Variants in NRG1 observed in about 807,000 individuals in gnomAD.
NRG1 encodes neuregulin 1.
A neutral mutation model predicts 63.8 loss-of-function variants in NRG1; 18 were observed. That is an observed-to-expected ratio of 0.28 (90% CI 0.19 to 0.42). NRG1 has a LOEUF of 0.42. NRG1 is among the 10% of genes least tolerant of loss of function. The pLI, the probability that NRG1 is intolerant of heterozygous loss-of-function variation, is 1.00. For synonymous variants in NRG1, 302 were observed against 301.3 expected, an observed-to-expected ratio of 1.00 and a Z score of -0.02; for missense variants, 762 against 814.7, an observed-to-expected ratio of 0.94 and a Z score of 0.79.
At chr8:32,392,887 T>A (rs1043442421) in intron 1 of NRG1, among the ~76,000 whole-genome samples, 1 of 115,524 alleles carries the variant, frequency 8.7e-6, no homozygotes, top group Non-Finnish European at 1.9e-5. Context: ...GATGCTCAAG[T>A]GGAGGGGTAG....
chr8:32,601,488 T>G (rs968546389), intron 2 of NRG1, among the ~76,000 whole-genome samples: 1 of 152,152 alleles, frequency 6.6e-6, no homozygotes, highest in East Asian at 1.9e-4. Flanking sequence ...CTATGTAATA[T>G]CATTCAAAAC....
chr8:31,989,829 GT>G (rs1401442214), intron 1 of NRG1, among the ~76,000 whole-genome samples: 11 of 152,044 alleles, frequency 7.2e-5, no homozygotes, highest in African/African-American at 2.7e-4. Flanking sequence ...TGGAAGAGTG[GT>G]TTGTGGTTGG....
Position 32,047,930 on chromosome 8 carries a change from A to G in NRG1, c.37+408499A>G, listed in dbSNP as rs963883188. ...CTTCCTAACACCTCCAATCAGTTCA[A>G]TCCACCATTCTGTTCTCTCCTATGA... On this transcript the variant is annotated intron_variant, in intron 1 of 10. Transcript: ENST00000519301. Among the ~76,000 whole-genome samples the G allele has an allele frequency of 3.3e-5, 5 of 151,876 alleles. No individual in the cohort carries two copies. In the East Asian group the frequency reaches 7.7e-4, roughly 23 times the overall value.
At chr8:31,911,078 T>A (rs949717846) in intron 1 of NRG1, among the ~76,000 whole-genome samples, 1 of 152,146 alleles carries the variant, frequency 6.6e-6, no homozygotes, top group Admixed American at 6.6e-5. Context: ...AAAACAAAAG[T>A]GCAGCACGTG....
chr8:32,055,028 C>T (rs1260542756), intron 1 of NRG1, among the ~76,000 whole-genome samples: 1 of 151,634 alleles, frequency 6.6e-6, no homozygotes, highest in Non-Finnish European at 1.5e-5. Context: ...GCTGGGTCTA[C>T]AGGCATATGC....
intron 5 of NRG1, among the ~76,000 whole-genome samples, chr8:32,673,666 G>A (rs962924684): frequency 1.3e-5 from 2 of 152,124 alleles, no homozygotes; most frequent in Non-Finnish European, 2.9e-5. Context: ...GAGATAGTAA[G>A]TCAGGCATCT....
chr8:32,300,291 T>C (rs1399582316), intron 1 of NRG1, among the ~76,000 whole-genome samples: 1 of 152,204 alleles, frequency 6.6e-6, no homozygotes, highest in Non-Finnish European at 1.5e-5. Flanking sequence ...TTTTAAAACA[T>C]TAATAAAGAG....
At chr8:32,323,845 C>T (rs1801695032) in intron 1 of NRG1, among the ~76,000 whole-genome samples, 1 of 152,054 alleles carries the variant, frequency 6.6e-6, no homozygotes, top group Non-Finnish European at 1.5e-5. Context: ...TCTGAATGAG[C>T]CCACATGGTG....
At chr8:32,729,540 C>T (rs1823107025) in intron 6 of NRG1, among the ~76,000 whole-genome samples, 2 of 152,098 alleles carry the variant, frequency 1.3e-5, no homozygotes, top group African/African-American at 2.4e-5. Flanking sequence ...AGAATATTGG[C>T]GTGTGACTTA....
At chr8:32,483,868 G>A (rs561479824) in intron 1 of NRG1, among the ~76,000 whole-genome samples, 45 of 152,278 alleles carry the variant, frequency 3.0e-4, no homozygotes, top group African/African-American at 1.0e-3. Context: ...ACTTTGGGGG[G>A]CCGAGGCGGG....
intron 5 of NRG1, among the ~76,000 whole-genome samples, chr8:32,718,813 T>C (rs1311817979): frequency 6.6e-6 from 1 of 152,186 alleles, no homozygotes; most frequent in Non-Finnish European, 1.5e-5. Flanking sequence ...GTTCCCATTC[T>C]CACATTTATT....
chr8:31,912,348 A>T (rs933454370), intron 1 of NRG1, among the ~76,000 whole-genome samples: 5 of 151,992 alleles, frequency 3.3e-5, no homozygotes, highest in African/African-American at 1.2e-4. Flanking sequence ...TAGCCAGAAA[A>T]GATGACAGCT....
intron 5 of NRG1, among the ~76,000 whole-genome samples, chr8:32,674,676 A>G (rs1257542609): frequency 2.0e-5 from 3 of 152,230 alleles, no homozygotes; most frequent in Non-Finnish European, 4.4e-5. Flanking sequence ...TTTTCAATTT[A>G]TCACAGTTTA....
chr8:32,495,549 G>A (rs1827104964), intron 1 of NRG1, among the ~76,000 whole-genome samples: 1 of 150,522 alleles, frequency 6.6e-6, no homozygotes, highest in Non-Finnish European at 1.5e-5. Context: ...TGAAACCTCT[G>A]CCTCCCAGGT....
chr8:31,671,167 A>T (rs533222836), intron 1 of NRG1, among the ~76,000 whole-genome samples: 1 of 152,124 alleles, frequency 6.6e-6, no homozygotes, highest in Non-Finnish European at 1.5e-5. Context: ...AAGGAACTCA[A>T]ATCAACAAAC....
chr8:31,852,732 C>T (rs1017130698), intron 1 of NRG1, among the ~76,000 whole-genome samples: 24 of 152,130 alleles, frequency 1.6e-4, no homozygotes, highest in African/African-American at 5.3e-4. Flanking sequence ...CTAGGGTTTT[C>T]ATGGCTTTAG....
At chr8:32,495,587 C>T (rs532241958) in intron 1 of NRG1, among the ~76,000 whole-genome samples, 5 of 152,050 alleles carry the variant, frequency 3.3e-5, no homozygotes, top group Non-Finnish European at 7.4e-5. Context: ...CTCACCCTCC[C>T]GAGCAGCTGG....
chr8:31,662,823 A>T (rs996662599), intron 1 of NRG1, among the ~76,000 whole-genome samples: 2 of 152,156 alleles, frequency 1.3e-5, no homozygotes, highest in Non-Finnish European at 2.9e-5. Context: ...CCAAGAACTT[A>T]TTGTTGGGAT....
intron 1 of NRG1, among the ~76,000 whole-genome samples, chr8:32,239,677 C>T (rs1847916757): frequency 6.6e-6 from 1 of 152,050 alleles, no homozygotes; most frequent in Admixed American, 6.6e-5. Flanking sequence ...AGATTTTGTA[C>T]CTAGAGAGTA....
Sources: allele counts gnomAD v4.1 joint callset (sites outside exome capture counted in the v4.1 genomes callset), GRCh38; gene constraint gnomAD v4.1.1; transcripts MANE v1.5; gene names NCBI Gene and HGNC (gene_info 2026-07-23, HGNC 2026-07-21).